The following UBL3 variants were observed in gnomAD, a reference collection of about 807,000 sequenced individuals.
UBL3 encodes ubiquitin like 3.
Under a neutral mutation model 18.4 loss-of-function variants are expected in UBL3, and 6 were observed. The ratio of observed to expected loss-of-function variants is 0.33; its 90% CI spans 0.18 to 0.64. UBL3 has a LOEUF of 0.64. UBL3 is among the 30% of genes least tolerant of loss of function. UBL3 has a pLI of 0.76. For missense variants in UBL3, 109 were observed against 142.9 expected, an observed-to-expected ratio of 0.76 and a Z score of 1.21; for synonymous variants, 49 against 46.6, an observed-to-expected ratio of 1.05 and a Z score of -0.21.
chr13:29,812,046 G>C (rs1878102756), intron 1 of UBL3, among the ~76,000 whole-genome samples: 2 of 151,864 alleles, frequency 1.3e-5, no homozygotes, highest in Admixed American at 1.3e-4. Flanking sequence ...TACTTGAAAT[G>C]CTCCCCCATC....
chr13:29,820,748 T>C (rs1379167167), intron 1 of UBL3, among the ~76,000 whole-genome samples: 1 of 152,228 alleles, frequency 6.6e-6, no homozygotes, highest in Non-Finnish European at 1.5e-5. Flanking sequence ...CATAACTACA[T>C]TCTAAAGTTA....
chr13:29,826,896 A>C (rs183460712), intron 1 of UBL3, among the ~76,000 whole-genome samples: 3 of 152,042 alleles, frequency 2.0e-5, no homozygotes, highest in East Asian at 3.9e-4. Context: ...CTTTGTTCTC[A>C]TGGGTTTCAA....
intron 1 of UBL3, among the ~76,000 whole-genome samples, chr13:29,842,386 T>A (rs575378268): frequency 1.3e-5 from 2 of 152,124 alleles, no homozygotes; most frequent in Admixed American, 1.3e-4. Flanking sequence ...CTCGAACTCC[T>A]GACCTCAAGT....
chr13:29,822,309 A>G (rs927811199), intron 1 of UBL3, among the ~76,000 whole-genome samples: 2 of 152,240 alleles, frequency 1.3e-5, no homozygotes, highest in African/African-American at 4.8e-5. Flanking sequence ...CATACCATAT[A>G]TGTATTTACA....
At chr13:29,832,764 G>C (rs986023902) in intron 1 of UBL3, among the ~76,000 whole-genome samples, 1 of 152,082 alleles carries the variant, frequency 6.6e-6, no homozygotes. Context: ...ACTTTTCCTT[G>C]GTCCCTCCCA....
At chr13:29,840,927 G>A (rs999625410) in intron 1 of UBL3, among the ~76,000 whole-genome samples, 4 of 152,036 alleles carry the variant, frequency 2.6e-5, no homozygotes, top group Admixed American at 1.3e-4. Context: ...TCATAATATA[G>A]GCTGAGCTTT....
chr13:29,796,650 T>C (rs1172756756), intron 1 of UBL3, among the ~76,000 whole-genome samples: 2 of 152,226 alleles, frequency 1.3e-5, no homozygotes, highest in African/African-American at 2.4e-5. Context: ...CATGAAAAGA[T>C]GCTCAGCATG....
chr13:29,830,535 A>G (rs1465201120), intron 1 of UBL3, among the ~76,000 whole-genome samples: 1 of 152,214 alleles, frequency 6.6e-6, no homozygotes, highest in Non-Finnish European at 1.5e-5. Context: ...GGTACAAAGA[A>G]TTTAACAAGA....
chr13:29,809,437 A>C (rs1877981798), intron 1 of UBL3, among the ~76,000 whole-genome samples: 1 of 152,208 alleles, frequency 6.6e-6, no homozygotes, highest in Admixed American at 6.5e-5. Flanking sequence ...GACAGCCACC[A>C]ATAAGGCTGA....
In UBL3 at chr13:29,767,031, T is replaced by C; in HGVS notation, c.*224A>G. 1 of 432,820 alleles carries C rather than the reference T, an allele frequency of 2.3e-6. No homozygotes were observed. The highest frequency in any genetic ancestry group is 4.0e-6 in the Non-Finnish European group (1 of 247,902). The allele number at this position is 432,820 out of a possible 1,614,324, so 26.8% of individuals were successfully genotyped here. ...ACTGCATTCAAAAACCAATATGTGT[T>C]AAAACAGCTCAACAAAAAATACAAG... On this transcript the variant is annotated 3_prime_UTR_variant, in exon 5 of 5. Transcript: ENST00000380680.
chr13:29,829,001 A>G (rs1878698368), intron 1 of UBL3, among the ~76,000 whole-genome samples: 2 of 152,190 alleles, frequency 1.3e-5, no homozygotes, highest in Non-Finnish European at 2.9e-5. Flanking sequence ...ATATTGCTCA[A>G]AAGCAAATGT....
chr13:29,817,299 C>G (rs975213413), intron 1 of UBL3, among the ~76,000 whole-genome samples: 1 of 152,172 alleles, frequency 6.6e-6, no homozygotes. Flanking sequence ...AAAACATAAA[C>G]TGTAATAACT....
chr13:29,802,896 T>C (rs926568258), intron 1 of UBL3, among the ~76,000 whole-genome samples: 14 of 152,184 alleles, frequency 9.2e-5, no homozygotes, highest in African/African-American at 3.4e-4. Flanking sequence ...ATATTGTCCA[T>C]GAAAATTTCC....
rs1022434177 is a variant in UBL3, at chr13:29,777,369, G to C, written c.28-106C>G. 8.4e-6 allele frequency: 7 copies of C among 834,134 alleles called. No individual in the cohort carries two copies. In the African/African-American group the frequency reaches 1.2e-4, roughly 14 times the overall value. 51.7% of individuals were successfully genotyped at this position (834,134 alleles called of 1,614,324 possible). On this transcript the variant is annotated intron_variant, in intron 1 of 4. Coordinates refer to ENST00000380680, the MANE Select transcript of UBL3 (RefSeq NM_007106.4). ...AATCACATCCTAAATTATTACCAAT[G>C]CCATATTGTGGTTTTTATTTAAATT...
intron 1 of UBL3, among the ~76,000 whole-genome samples, chr13:29,783,332 G>C (rs1877227141): frequency 6.6e-6 from 1 of 152,182 alleles, no homozygotes; most frequent in South Asian, 2.1e-4. Flanking sequence ...AAACGGACTA[G>C]GTTAATAGAT....
chr13:29,808,886 G>A (rs1877964393), intron 1 of UBL3, among the ~76,000 whole-genome samples: 1 of 152,048 alleles, frequency 6.6e-6, no homozygotes, highest in Admixed American at 6.6e-5. Context: ...AGGTATAAAA[G>A]TGCAAGTTGG....
intron 1 of UBL3, among the ~76,000 whole-genome samples, chr13:29,838,022 T>A (rs1302804969): frequency 6.6e-6 from 1 of 151,058 alleles, no homozygotes; most frequent in Non-Finnish European, 1.5e-5. Context: ...ACAAGCTTTA[T>A]GTAGATTACA....
chr13:29,782,888 T>C (rs1330233675), intron 1 of UBL3, among the ~76,000 whole-genome samples: 1 of 152,230 alleles, frequency 6.6e-6, no homozygotes, highest in Non-Finnish European at 1.5e-5. Context: ...CCCACAGCAC[T>C]GCACTGCTGA....
intron 1 of UBL3, among the ~76,000 whole-genome samples, chr13:29,835,534 A>T (rs1878938740): frequency 6.6e-6 from 1 of 151,736 alleles, no homozygotes; most frequent in Non-Finnish European, 1.5e-5. Flanking sequence ...AGGCAGCTGG[A>T]TCATGAGGTC....
Sources: gnomAD v4.1 joint callset for allele counts (sites outside exome capture counted in the v4.1 genomes callset) on GRCh38, gnomAD v4.1.1 for gene constraint, MANE v1.5 for transcripts, NCBI Gene and HGNC (gene_info 2026-07-23, HGNC 2026-07-21) for gene names.